TMEM120B: variants seen among roughly 807,000 people sequenced by gnomAD.
TMEM120B encodes the protein transmembrane protein 120B.
TMEM120B carries 31 observed loss-of-function variants against 55.5 expected under a neutral mutation model. The observed-to-expected ratio is 0.56, with a 90% confidence interval of 0.42 to 0.75. The LOEUF (loss-of-function observed/expected upper bound fraction) is 0.75. Among genes scored for constraint, TMEM120B ranks in the 30% least tolerant of loss-of-function variants. TMEM120B has a pLI of 0.00. For synonymous variants in TMEM120B, 203 were observed against 176.3 expected (o/e 1.15, Z -1.20); for missense variants, 399 against 425.5 (o/e 0.94, Z 0.55).
intron 1 of TMEM120B, among the ~76,000 whole-genome samples, chr12:121,713,186 C>T (rs2136932341): frequency 6.6e-6 from 1 of 152,278 alleles, no homozygotes; most frequent in East Asian, 1.9e-4. Flanking sequence ...TCTTCCGCCG[C>T]CCTCCCACTG....
chr12:121,775,638 C>T lies in TMEM120B; in HGVS notation c.936C>T (p.Ile312=), dbSNP rs772691938. ...TCGTACTGGCGTTCACCTTCCTCATCCTCTTCCTCGGCAACTTCCTGACCA... is the reference window on the plus strand; with the variant it reads ...TCGTACTGGCGTTCACCTTCCTCATTCTCTTCCTCGGCAACTTCCTGACCA... ...QVFVLAFTFL[I]LFLGNFLTTL... Residue 312 remains isoleucine, a synonymous_variant, in exon 12 of 12, where the codon ATC becomes ATT. Coordinates refer to ENST00000449592, the MANE Select transcript of TMEM120B (RefSeq NM_001080825.2). This position sits in a 1 kb window ranked among gnomAD's most constrained non-coding sequence, Gnocchi z 4.3. The T allele has an allele frequency of 6.2e-7, 1 of 1,614,006 alleles. No homozygotes were observed. Among genetic ancestry groups the T allele is most frequent in the Admixed American group, 1.7e-5 (1 of 60,012 alleles).
chr12:121,735,485 G>A (rs1238241144), intron 1 of TMEM120B, among the ~76,000 whole-genome samples: 4 of 150,360 alleles, frequency 2.7e-5, no homozygotes, highest in Non-Finnish European at 5.9e-5. Flanking sequence ...TGCAACCTCC[G>A]CGTCCTGGGA....
intron 1 of TMEM120B, among the ~76,000 whole-genome samples, chr12:121,740,707 C>T (rs1307734463): frequency 2.0e-5 from 3 of 151,914 alleles, no homozygotes; most frequent in Non-Finnish European, 4.4e-5. Flanking sequence ...AGTGGACATG[C>T]AGTTGAAACC....
chr12:121,775,836 TC>T lies in TMEM120B; in HGVS notation c.*119del. ...CGCTGGGAGAGGGCCCAGGCCCTGG[TC>T]CCCCAGTGGACCCCAGTGGTCTAGA... On this transcript the variant is annotated 3_prime_UTR_variant, in exon 12 of 12. Coordinates refer to ENST00000449592, the MANE Select transcript of TMEM120B (RefSeq NM_001080825.2). This position sits in a 1 kb window ranked among gnomAD's most constrained non-coding sequence, Gnocchi z 4.3. The T allele has an allele frequency of 8.9e-7, 1 of 1,123,874 alleles. No homozygotes were observed. Among genetic ancestry groups the T allele is most frequent in the Non-Finnish European group, 1.3e-6 (1 of 763,838 alleles). The allele number at this position is 1,123,874 out of a possible 1,614,324, so 69.6% of individuals were successfully genotyped here.
At chr12:121,745,494 A>T (rs1409524952) in intron 2 of TMEM120B, among the ~76,000 whole-genome samples, 1 of 144,040 alleles carries the variant, frequency 6.9e-6, no homozygotes. Flanking sequence ...GGGTTCAAGC[A>T]ATTCTTCCTG....
chr12:121,738,604 A>G (rs891792771), intron 1 of TMEM120B, among the ~76,000 whole-genome samples: 2 of 152,214 alleles, frequency 1.3e-5, no homozygotes, highest in Admixed American at 6.6e-5. Flanking sequence ...TTAGCACTGA[A>G]TAATTCAAAA....
intron 1 of TMEM120B, among the ~76,000 whole-genome samples, chr12:121,733,084 C>G (rs998250746): frequency 2.0e-5 from 3 of 151,964 alleles, no homozygotes; most frequent in Non-Finnish European, 4.4e-5. Context: ...GCCTGTGTGC[C>G]CAGAGAGGCC....
intron 9 of TMEM120B, among the ~76,000 whole-genome samples, chr12:121,774,265 GT>G (rs751890488): frequency 6.6e-5 from 10 of 152,184 alleles, no homozygotes; most frequent in Non-Finnish European, 4.4e-5. Context: ...CAACTCTGCT[GT>G]CTTTTGACAT....
intron 1 of TMEM120B, among the ~76,000 whole-genome samples, chr12:121,741,460 G>C (rs1872931450): frequency 6.6e-6 from 1 of 152,120 alleles, no homozygotes; most frequent in Non-Finnish European, 1.5e-5. Context: ...CTCCTGAATA[G>C]CTGGGATTAC....
At chr12:121,744,636 G>C (rs929908986) in intron 2 of TMEM120B, among the ~76,000 whole-genome samples, 1 of 152,158 alleles carries the variant, frequency 6.6e-6, no homozygotes, top group Non-Finnish European at 1.5e-5. Context: ...CTCCAGGTCT[G>C]GGAAGTCCCC....
chr12:121,766,077 C>T (rs1048656942), intron 6 of TMEM120B, among the ~76,000 whole-genome samples: 3 of 152,148 alleles, frequency 2.0e-5, no homozygotes, highest in Middle Eastern at 3.2e-3. Context: ...CTAGAGACGG[C>T]GTCGCTGAAC....
intron 1 of TMEM120B, among the ~76,000 whole-genome samples, chr12:121,726,828 A>G (rs960870982): frequency 2.0e-5 from 3 of 149,446 alleles, no homozygotes; most frequent in African/African-American, 7.4e-5. Flanking sequence ...GAATTGCTTG[A>G]ACCCAGGAGA....
intron 1 of TMEM120B, among the ~76,000 whole-genome samples, chr12:121,727,410 C>T (rs1894916359): frequency 6.6e-6 from 1 of 151,810 alleles, no homozygotes; most frequent in African/African-American, 2.4e-5. Context: ...GTCGTGCGTG[C>T]CCATGGTTCC....
In TMEM120B at chr12:121,748,328, G is replaced by C; in HGVS notation, c.191G>C (p.Cys64Ser). The C allele has an allele frequency of 6.2e-7, 1 of 1,609,538 alleles. No individual in the cohort carries two copies. The highest frequency in any genetic ancestry group is 8.5e-7 in the Non-Finnish European group (1 of 1,177,608). ...LKDLKLTLQR[C>S]KRHASREEAE... is the part of the protein sequence containing the mutation. ...TGTGCCTGCATCTCTGTCCGCAGGT[G>C]CAAACGCCATGCCAGTCGGGAGGAG... Residue 64 changes from cysteine (C) to serine (S), a missense_variant and splice_region_variant, in exon 3 of 12, where the codon TGC (cysteine) becomes TCC (serine). Around this residue, in one of 3 missense-constraint regions of TMEM120B, gnomAD observed 133 missense variants for 104.1 expected, o/e 1.28. Transcript: ENST00000449592.
chr12:121,732,134 C>T (rs1566509750), intron 1 of TMEM120B, among the ~76,000 whole-genome samples: 1 of 152,186 alleles, frequency 6.6e-6, no homozygotes, highest in Admixed American at 6.5e-5. Context: ...AAGACTCCAT[C>T]TCAAAAGGAA....
intron 6 of TMEM120B, among the ~76,000 whole-genome samples, chr12:121,767,279 A>G (rs1030343257): frequency 2.0e-5 from 3 of 151,658 alleles, no homozygotes; most frequent in Admixed American, 6.6e-5. Flanking sequence ...TCCTGCCTCA[A>G]CCTCCCGAGT....
At chr12:121,755,607 G>A (rs1445766913) in intron 5 of TMEM120B, among the ~76,000 whole-genome samples, 1 of 152,156 alleles carries the variant, frequency 6.6e-6, no homozygotes, top group Non-Finnish European at 1.5e-5. Context: ...TCTTAGTGTG[G>A]GTTGGCCCAG....
intron 1 of TMEM120B, among the ~76,000 whole-genome samples, chr12:121,716,217 A>G (rs1368599790): frequency 6.6e-6 from 1 of 150,836 alleles, no homozygotes; most frequent in Non-Finnish European, 1.5e-5. Flanking sequence ...CTGGAGTAGG[A>G]GGGCTGTTTG....
rs144789494 is a variant in TMEM120B, at chr12:121,773,298, C to G, written c.680-123C>G. The stretch of plus-strand genomic sequence containing the variant: ...GTGTGGGCGTGGGAGAGGGTTGTAA[C>G]CAGGGCACCCTTTCTGCTTCTGCCC... On this transcript the variant is annotated intron_variant, in intron 8 of 11. Coordinates refer to ENST00000449592, the MANE Select transcript of TMEM120B (RefSeq NM_001080825.2). 1.6e-4 allele frequency: 132 copies of G among 807,568 alleles called. 2 individuals are homozygous for G. In the African/African-American group the frequency reaches 2.1e-3, roughly 13 times the overall value. 50.0% of individuals were successfully genotyped at this position (807,568 alleles called of 1,614,324 possible). A position where few individuals can be genotyped will look rare whatever the true frequency, so the allele number is the denominator to read the frequency against.
Sources: gnomAD v4.1 joint callset for allele counts (sites outside exome capture counted in the v4.1 genomes callset) on GRCh38, gnomAD v4.1.1 for gene constraint, gnomAD v4.1.1 regional missense constraint, Gnocchi (gnomAD v3.1) non-coding constraint, MANE v1.5 for transcripts, NCBI Gene and HGNC (gene_info 2026-07-23, HGNC 2026-07-21) for gene names.